The following RASEF variants were observed in gnomAD, a reference collection of about 807,000 sequenced individuals.
RASEF encodes the protein RAS and EF-hand domain containing.
RASEF carries 68 observed loss-of-function variants against 90.1 expected under a neutral mutation model. That is an observed-to-expected ratio of 0.75 (90% CI 0.62 to 0.92). The LOEUF (loss-of-function observed/expected upper bound fraction) is 0.92, where lower values mean the gene tolerates loss of function less well. RASEF is among the 40% of genes least tolerant of loss of function. The pLI is 0.00. For missense variants in RASEF, 949 were observed against 937.2 expected (o/e 1.01, Z -0.16); for synonymous variants, 331 against 345.2 (o/e 0.96, Z 0.46).
At chr9:83,069,679 T>C in the RASEF span, among the ~76,000 whole-genome samples, 1 of 152,210 alleles carries the variant, frequency 6.6e-6, no homozygotes, top group Non-Finnish European at 1.5e-5. Context: ...CTTGAGGAAG[T>C]TCCTAGCAAT....
intron 1 of RASEF, among the ~76,000 whole-genome samples, chr9:83,059,553 C>T (rs1300375101): frequency 6.6e-6 from 1 of 152,170 alleles, no homozygotes; most frequent in East Asian, 1.9e-4. Context: ...GACAATGACC[C>T]AGGCATCAGA....
At chr9:83,094,521 C>A in the RASEF span, among the ~76,000 whole-genome samples, 1 of 152,030 alleles carries the variant, frequency 6.6e-6, no homozygotes, top group Non-Finnish European at 1.5e-5. Context: ...CTGGGAATTT[C>A]TTCTCATTGT....
chr9:83,130,674 T>C, the RASEF span, among the ~76,000 whole-genome samples: 1 of 152,218 alleles, frequency 6.6e-6, no homozygotes, highest in Non-Finnish European at 1.5e-5. Flanking sequence ...TGTTAAGCAC[T>C]GAGCCAAGCA....
At chr9:83,101,871 A>G in the RASEF span, among the ~76,000 whole-genome samples, 4 of 152,236 alleles carry the variant, frequency 2.6e-5, no homozygotes, top group East Asian at 7.7e-4. Flanking sequence ...TTGTTGATTC[A>G]CTACCACTGA....
intron 1 of RASEF, among the ~76,000 whole-genome samples, chr9:83,059,257 T>C (rs79874382): frequency 0.015 from 2,019 of 136,446 alleles, 38 homozygotes; most frequent in African/African-American, 0.056. Context: ...CAGCCATCCA[T>C]CAAATGCTCA....
At chr9:83,218,755 T>G in the RASEF span, among the ~76,000 whole-genome samples, 3 of 152,178 alleles carry the variant, frequency 2.0e-5, no homozygotes, top group African/African-American at 7.2e-5. Context: ...GAACCTGGCC[T>G]CCCACATCTG....
the RASEF span, among the ~76,000 whole-genome samples, chr9:83,166,668 C>T: frequency 5.8e-4 from 88 of 152,260 alleles, 1 homozygote; most frequent in East Asian, 0.015. Flanking sequence ...CCTACTGCAC[C>T]CCCACCCCAG....
intron 1 of RASEF, among the ~76,000 whole-genome samples, chr9:83,053,703 T>C (rs1176752664): frequency 6.8e-6 from 1 of 147,684 alleles, no homozygotes. Flanking sequence ...TTTCCATGTT[T>C]AGCACTTCCT....
chr9:83,029,292 G>A (rs1829600567), intron 1 of RASEF, among the ~76,000 whole-genome samples: 1 of 151,956 alleles, frequency 6.6e-6, no homozygotes, highest in Non-Finnish European at 1.5e-5. Flanking sequence ...CACAGACCAA[G>A]GAAACACTGA....
intron 15 of RASEF, 141 bp from the exon 16 acceptor site, chr9:82,990,608 G>A: frequency 1.8e-6 from 1 of 563,606 alleles, no homozygotes; most frequent in Non-Finnish European, 3.1e-6. Flanking sequence ...TGAATTCAGA[G>A]TTCCAGTACT....
the RASEF span, among the ~76,000 whole-genome samples, chr9:83,211,161 C>T: frequency 6.6e-6 from 1 of 152,294 alleles, no homozygotes; most frequent in South Asian, 2.1e-4. Flanking sequence ...CCTCTTTAGT[C>T]TCCTTCAATC....
At position 83,062,852 on chromosome 9, in the gene RASEF, C is replaced by T; in HGVS notation, c.16G>A (p.Asp6Asn). The part of the protein sequence containing the change: MEADG[D>N]GEELARLRSV... ...CGCAGCCGGGCCAGCTCCTCTCCGTCCCCATCCGCCTCCATCCCGCCTGGC... is the reference window on the plus strand; with the variant it reads ...CGCAGCCGGGCCAGCTCCTCTCCGTTCCCATCCGCCTCCATCCCGCCTGGC... Residue 6 changes from aspartate (D) to asparagine (N), a missense_variant, in exon 1 of 17, where the codon GAC (aspartate) becomes AAC (asparagine). Coordinates refer to ENST00000376447, the MANE Select transcript of RASEF (RefSeq NM_152573.4). 1 of 1,528,038 alleles carries T rather than the reference C, an allele frequency of 6.5e-7. No individual in the cohort carries two copies. Among genetic ancestry groups the T allele is most frequent in the Non-Finnish European group, 8.7e-7 (1 of 1,148,278 alleles). The allele number at this position is 1,528,038 out of a possible 1,614,324, so 94.7% of individuals were successfully genotyped here.
the RASEF span, among the ~76,000 whole-genome samples, chr9:83,138,154 G>A: frequency 6.6e-6 from 1 of 151,924 alleles, no homozygotes; most frequent in African/African-American, 2.4e-5. Flanking sequence ...AACGTCCTTG[G>A]TATGTTGCTT....
chr9:83,135,107 T>C, the RASEF span, among the ~76,000 whole-genome samples: 1 of 152,012 alleles, frequency 6.6e-6, no homozygotes, highest in Admixed American at 6.6e-5. Flanking sequence ...GGGGAGTAAC[T>C]GCTAGGGGGT....
the RASEF span, among the ~76,000 whole-genome samples, chr9:83,105,599 T>C: frequency 6.6e-6 from 1 of 152,188 alleles, no homozygotes; most frequent in African/African-American, 2.4e-5. Flanking sequence ...TTTCCCAGAA[T>C]AGCAAATACA....
chr9:83,137,462 A>G, the RASEF span, among the ~76,000 whole-genome samples: 1 of 152,218 alleles, frequency 6.6e-6, no homozygotes, highest in Non-Finnish European at 1.5e-5. Flanking sequence ...CTTGAAAAAC[A>G]TGGGACATCA....
At chr9:83,100,400 A>G in the RASEF span, among the ~76,000 whole-genome samples, 1 of 152,218 alleles carries the variant, frequency 6.6e-6, no homozygotes, top group Non-Finnish European at 1.5e-5. Flanking sequence ...ACATCAGAAC[A>G]TCTTTTCACT....
the RASEF span, among the ~76,000 whole-genome samples, chr9:83,075,472 A>G: frequency 1.3e-5 from 2 of 152,230 alleles, no homozygotes; most frequent in South Asian, 2.1e-4. Context: ...TGTTAGAACT[A>G]TCAGAATGAT....
chr9:83,144,330 A>AG, the RASEF span, among the ~76,000 whole-genome samples: 480 of 49,986 alleles, frequency 9.6e-3, 29 homozygotes, highest in East Asian at 0.021. Flanking sequence ...AAAGAAGGAA[A>AG]GAAAGAAAGA....
Sources: gnomAD v4.1 joint callset for allele counts (sites outside exome capture counted in the v4.1 genomes callset) on GRCh38, gnomAD v4.1.1 for gene constraint, MANE v1.5 for transcripts, NCBI Gene and HGNC (gene_info 2026-07-23, HGNC 2026-07-21) for gene names.